ZNF841: variants seen among roughly 807,000 people sequenced by gnomAD.
ZNF841 encodes the protein TCONS_00006091.
ZNF841 carries 11 observed loss-of-function variants against 13.0 expected under a neutral mutation model. The observed-to-expected ratio is 0.85, with a 90% CI of 0.53 to 1.40. ZNF841 has a LOEUF of 1.40. ZNF841 is among the 40% of genes most tolerant of loss of function. The pLI is 0.00. For synonymous variants in ZNF841, 369 were observed against 381.6 expected (o/e 0.97, Z 0.38); for missense variants, 1,068 against 1,139.5 (o/e 0.94, Z 0.90).
intron 6 of ZNF841, among the ~76,000 whole-genome samples, chr19:52,071,469 C>G (rs1325779170): frequency 2.0e-5 from 3 of 151,820 alleles, no homozygotes; most frequent in Non-Finnish European, 2.9e-5. Context: ...GCACAACAGG[C>G]AAAGATTTGA....
At chr19:52,060,056 C>T (rs1241143424), downstream of ZNF841, among the ~76,000 whole-genome samples, 3 of 152,220 alleles carry the variant, frequency 2.0e-5, no homozygotes, top group Admixed American at 2.0e-4. Context: ...GATTCTGTAT[C>T]TGGGCCACTG....
chr19:52,095,476 G>C (rs2088639653), intron 1 of ZNF841, 99 bp downstream of exon 1: 1 of 152,280 alleles, frequency 6.6e-6, no homozygotes. Context: ...AACACTACCT[G>C]AATGGGGTTG....
Position 52,066,279 on chromosome 19 carries a change from G to A in ZNF841, c.1603C>T (p.His535Tyr). 1 of 1,613,944 alleles carries A rather than the reference G, an allele frequency of 6.2e-7. No homozygotes were observed. The highest frequency in any genetic ancestry group is 8.5e-7 in the Non-Finnish European group (1 of 1,179,894). The change falls in exon 7 of 7, where the codon CAT becomes TAT. Residue 535 changes from histidine (H) to tyrosine (Y), a missense_variant. Transcript: ENST00000594440. Reference protein sequence around the residue: ...GSLLTVHQRIHTGEKPYKCNV... With the variant: ...GSLLTVHQRIYTGEKPYKCNV... ...CATTTGTAAGGTTTCTCTCCGGTAT[G>A]AATTCTCTGATGTACAGTTAGTAAT...
chr19:52,093,257 G>A lies in ZNF841; in HGVS notation c.-144+589C>T, dbSNP rs534613324. ...ATAGACATATACAGAGTGTTCATGTGTACATATATATAATGGAATATTATC... is the reference window on the plus strand; with the variant it reads ...ATAGACATATACAGAGTGTTCATGTATACATATATATAATGGAATATTATC... On this transcript the variant is annotated intron_variant, in intron 2 of 6. Coordinates refer to ENST00000594440, the MANE Select transcript of ZNF841 (RefSeq NM_001136499.2). Among the ~76,000 whole-genome samples the A allele has an allele frequency of 2.6e-5, 4 of 152,266 alleles. No individual in the cohort carries two copies. In the South Asian group the frequency reaches 8.3e-4, roughly 32 times the overall value.
chr19:52,085,161 T>G (rs774439134), intron 3 of ZNF841, among the ~76,000 whole-genome samples: 1 of 152,082 alleles, frequency 6.6e-6, no homozygotes, highest in Non-Finnish European at 1.5e-5. Context: ...TCAAACCCCA[T>G]ACAGAGCACA....
intron 4 of ZNF841, among the ~76,000 whole-genome samples, chr19:52,080,353 T>C (rs1256132935): frequency 1.3e-5 from 2 of 152,156 alleles, no homozygotes. Context: ...TTTCTACACC[T>C]CAGGCTGACA....
In ZNF841 at chr19:52,064,854, G is replaced by C. The variant is rs969313701; in HGVS notation, c.*253C>G. 7.3e-6 allele frequency: 2 copies of C among 272,714 alleles called. No homozygotes were observed. Among genetic ancestry groups the C allele is most frequent in the Non-Finnish European group, 1.4e-5 (2 of 145,646 alleles). 16.9% of individuals were successfully genotyped at this position (272,714 alleles called of 1,614,324 possible). ...TCACCATGTTGGCCAGGCTGCTCTTGAACTCCTGACCTCAAGTGATCCGCC... is the reference window on the plus strand; with the variant it reads ...TCACCATGTTGGCCAGGCTGCTCTTCAACTCCTGACCTCAAGTGATCCGCC... On this transcript the variant is annotated 3_prime_UTR_variant, in exon 7 of 7. Coordinates refer to ENST00000594440, the MANE Select transcript of ZNF841 (RefSeq NM_001136499.2).
In ZNF841 at chr19:52,067,230, A is replaced by G; in HGVS notation, c.652T>C (p.Phe218Leu). The G allele has an allele frequency of 1.3e-6, 2 of 1,548,778 alleles. No individual in the cohort carries two copies. The highest frequency in any genetic ancestry group is 1.7e-6 in the Non-Finnish European group (2 of 1,146,188). Residue 218 changes from phenylalanine (F) to leucine (L), a missense_variant, in exon 7 of 7, where the codon TTT becomes CTT. Phe to Leu is a conservative substitution (Grantham distance 22). Coordinates refer to ENST00000594440, the MANE Select transcript of ZNF841 (RefSeq NM_001136499.2). ...NQIERTVNNC[F>L]LASPLQRIFP... is the part of the protein sequence containing the mutation. ...ATTCTTTGAAGTGGTGAAGCTAAAA[A>G]ACAATTATTAACTGTCCTCTCAATT...
chr19:52,090,688 A>AAAGG (rs2088457993), intron 2 of ZNF841, among the ~76,000 whole-genome samples: 2 of 150,944 alleles, frequency 1.3e-5, no homozygotes, highest in Non-Finnish European at 3.0e-5. Flanking sequence ...AGAAAGAAAG[A>AAAGG]AAGAAAGAAA....
At chr19:52,084,550 T>A (rs1045630736) in intron 4 of ZNF841, among the ~76,000 whole-genome samples, 1 of 152,168 alleles carries the variant, frequency 6.6e-6, no homozygotes, top group Non-Finnish European at 1.5e-5. Flanking sequence ...CATCCATGTC[T>A]GGGTGTGAGC....
At chr19:52,073,325 G>T (rs966403052) in intron 6 of ZNF841, among the ~76,000 whole-genome samples, 3 of 151,168 alleles carry the variant, frequency 2.0e-5, no homozygotes, top group African/African-American at 4.9e-5. Flanking sequence ...TAGAGACAGG[G>T]TCTTGCTCTG....
rs577615889 is a variant in ZNF841 at position 52,067,232 on chromosome 19, C to T, written c.650G>A (p.Cys217Tyr). Residue 217 changes from cysteine to tyrosine, a missense_variant, in exon 7 of 7, where the codon TGT (cysteine) becomes TAT (tyrosine). By Grantham distance (194) the Cys-to-Tyr change is radical. Transcript: ENST00000594440. ...TCTTTGAAGTGGTGAAGCTAAAAAA[C>T]AATTATTAACTGTCCTCTCAATTTG... is the stretch of plus-strand genomic sequence containing the variant. ...CNQIERTVNN[C>Y]FLASPLQRIF... is the part of the protein sequence containing the mutation. The T allele has an allele frequency of 1.3e-6, 2 of 1,549,112 alleles. No individual in the cohort carries two copies. Among genetic ancestry groups the T allele is most frequent in the Admixed American group, 4.0e-5 (2 of 50,396 alleles).
At chr19:52,091,752 G>C (rs1028330310) in intron 2 of ZNF841, among the ~76,000 whole-genome samples, 4 of 152,120 alleles carry the variant, frequency 2.6e-5, no homozygotes, top group Non-Finnish European at 5.9e-5. Flanking sequence ...TAGAAAAAAA[G>C]CTCCTTGACA....
rs769442250 is a variant in ZNF841, at chr19:52,066,973, T to C, written c.909A>G (p.Leu303=). ...ESGKAFHRGS[L]LTVHQIVHTR... ...TATGGACTATCTGATGTACTGTTAG[T>C]AGTGAGCCCCGATGAAAGGCTTTAC... The change falls in exon 7 of 7, where the codon CTA becomes CTG. Residue 303 remains leucine, a synonymous_variant. Coordinates refer to ENST00000594440, the MANE Select transcript of ZNF841 (RefSeq NM_001136499.2). The C allele has an allele frequency of 1.9e-6, 3 of 1,614,012 alleles. No individual in the cohort carries two copies. Among genetic ancestry groups the C allele is most frequent in the South Asian group, 1.1e-5 (1 of 91,082 alleles).
At chr19:52,076,381 G>A in intron 5 of ZNF841, 1 of 554,990 alleles carries the variant, frequency 1.8e-6, no homozygotes, top group Middle Eastern at 3.0e-4. Context: ...CACAGGGATA[G>A]GCCAAGCATA....
intron 4 of ZNF841, among the ~76,000 whole-genome samples, chr19:52,083,956 CT>C (rs2088188119): frequency 6.6e-6 from 1 of 151,536 alleles, no homozygotes; most frequent in African/African-American, 2.4e-5. Flanking sequence ...TCTGCTTGGA[CT>C]TTTACCACAA....
intron 4 of ZNF841, among the ~76,000 whole-genome samples, chr19:52,079,048 TTG>T (rs2088004665): frequency 6.6e-6 from 1 of 150,500 alleles, no homozygotes; most frequent in Admixed American, 6.6e-5. Context: ...TTCATTTACT[TTG>T]TACTTAGTAC....
chr19:52,082,767 G>C (rs1175134768), intron 4 of ZNF841, among the ~76,000 whole-genome samples: 1 of 152,188 alleles, frequency 6.6e-6, no homozygotes, highest in African/African-American at 2.4e-5. Context: ...TACGCTATTA[G>C]TGTTTATTAA....
At chr19:52,070,778 A>G (rs943144343) in intron 6 of ZNF841, among the ~76,000 whole-genome samples, 4 of 152,222 alleles carry the variant, frequency 2.6e-5, no homozygotes, top group African/African-American at 9.6e-5. Context: ...ATATTGATTT[A>G]CGCAGTGTTA....
Sources: gnomAD v4.1 joint callset for allele counts (sites outside exome capture counted in the v4.1 genomes callset) on GRCh38, gnomAD v4.1.1 for gene constraint, MANE v1.5 for transcripts, NCBI Gene and HGNC (gene_info 2026-07-23, HGNC 2026-07-21) for gene names.